Variants in CFH observed in about 807,000 individuals in gnomAD.
CFH encodes the protein H factor 1 (complement).
CFH carries 53 observed loss-of-function variants against 147.3 expected under a neutral mutation model. The ratio of observed to expected loss-of-function variants is 0.36; its 90% CI spans 0.29 to 0.45. CFH has a LOEUF of 0.45. Among genes scored for constraint, CFH ranks in the 20% least tolerant of loss-of-function variants. The pLI, the probability that CFH is intolerant of heterozygous loss-of-function variation, is 1.00. For missense variants in CFH, 1,380 were observed against 1,498.0 expected (o/e 0.92, Z 1.30); for synonymous variants, 536 against 489.4 (o/e 1.10, Z -1.26).
intron 1 of CFH, among the ~76,000 whole-genome samples, chr1:196,666,171 TAAC>T (rs1164779573): frequency 6.6e-6 from 1 of 152,208 alleles, no homozygotes; most frequent in African/African-American, 2.4e-5. Flanking sequence ...CCATGCCCGG[TAAC>T]AACAGAATTG....
chr1:196,707,943 C>G (rs1054306123), intron 9 of CFH, among the ~76,000 whole-genome samples: 1 of 152,096 alleles, frequency 6.6e-6, no homozygotes, highest in Admixed American at 6.6e-5. Context: ...TTATAATTGC[C>G]TAGATAATTA....
chr1:196,657,823 A>G (rs1417117696), intron 1 of CFH, among the ~76,000 whole-genome samples: 1 of 150,978 alleles, frequency 6.6e-6, no homozygotes, highest in Non-Finnish European at 1.5e-5. Flanking sequence ...ATTTTAGAAA[A>G]ATAGAATAAT....
At chr1:196,708,668 T>C (rs1273336160) in intron 9 of CFH, among the ~76,000 whole-genome samples, 1 of 152,098 alleles carries the variant, frequency 6.6e-6, no homozygotes, top group Non-Finnish European at 1.5e-5. Flanking sequence ...GCCCCCTTGG[T>C]ACATGTTTAT....
chr1:196,691,777 T>A (rs1377673728), intron 9 of CFH, among the ~76,000 whole-genome samples: 2 of 151,978 alleles, frequency 1.3e-5, no homozygotes, highest in Non-Finnish European at 2.9e-5. Flanking sequence ...GTCAATCTTT[T>A]TTCATGATGA....
rs145732325 is a variant in CFH, at chr1:196,738,259, A to G, written c.2782+599A>G. Among the ~76,000 whole-genome samples the G allele has an allele frequency of 5.1e-3, 782 of 152,320 alleles. 8 individuals are homozygous for G. The highest frequency in any genetic ancestry group is 0.018 in the African/African-American group (751 of 41,564). ...TTGGTTGGAGATACAGTCAAATCCT[A>G]TCATTCCACCATGGCCTATCCCAAG... On this transcript the variant is annotated intron_variant, in intron 17 of 21. Coordinates refer to ENST00000367429, the MANE Select transcript of CFH (RefSeq NM_000186.4).
intron 19 of CFH, among the ~76,000 whole-genome samples, chr1:196,742,291 G>T (rs868181029): frequency 7.9e-5 from 12 of 152,238 alleles, no homozygotes; most frequent in Admixed American, 2.0e-4. Flanking sequence ...CAGGAGAATC[G>T]CTTGAACCAG....
At chr1:196,677,408 A>G (rs1667491964) in intron 4 of CFH, 68 bp from the exon 5 acceptor site, 14 of 1,374,056 alleles carry the variant, frequency 1.0e-5, no homozygotes, top group Middle Eastern at 1.8e-4. Context: ...ATGATTTTAT[A>G]CATACACATA....
intron 9 of CFH, among the ~76,000 whole-genome samples, chr1:196,710,895 C>G (rs1273243594): frequency 3.3e-5 from 5 of 151,988 alleles, no homozygotes; most frequent in African/African-American, 9.7e-5. Flanking sequence ...TTTATTAATG[C>G]TACCTAATCC....
chr1:196,710,761 T>C (rs1014625837), intron 9 of CFH, among the ~76,000 whole-genome samples: 25 of 141,704 alleles, frequency 1.8e-4, no homozygotes, highest in African/African-American at 6.4e-4. Flanking sequence ...TTTAGTAAGA[T>C]CATACAGTCT....
At position 196,725,348 on chromosome 1, in the gene CFH, C is replaced by G. The variant is rs369313875; in HGVS notation, c.1873+51C>G. The G allele has an allele frequency of 5.8e-6, 9 of 1,556,474 alleles. No homozygotes were observed. In the African/African-American group the frequency reaches 6.8e-5, roughly 12 times the overall value. On this transcript the variant is annotated intron_variant, in intron 12 of 21. Coordinates refer to ENST00000367429, the MANE Select transcript of CFH (RefSeq NM_000186.4). ...AAATAAGAATTAGAACTTTGAATAC[C>G]AACTTTTTTCTTATTAATTTTGTTT...
At chr1:196,745,219 G>A (rs1652959679) in intron 20 of CFH, among the ~76,000 whole-genome samples, 1 of 151,996 alleles carries the variant, frequency 6.6e-6, no homozygotes, top group Non-Finnish European at 1.5e-5. Flanking sequence ...GGTCAAAATG[G>A]GAAGTTTTCA....
intron 4 of CFH, 167 bp from the exon 5 acceptor site, chr1:196,677,309 G>T: frequency 1.6e-6 from 1 of 620,140 alleles, no homozygotes; most frequent in Non-Finnish European, 2.8e-6. Context: ...CCATTTGCTT[G>T]TTTCTTAGAG....
At chr1:196,724,964 T>C (rs34436878) in intron 11 of CFH, among the ~76,000 whole-genome samples, 157 bp from the exon 12 acceptor site, 104 of 152,310 alleles carry the variant, frequency 6.8e-4, no homozygotes, top group African/African-American at 2.5e-3. Context: ...AGACAGCATA[T>C]AAAACATAAT....
At chr1:196,742,754 C>A (rs1652853046) in intron 19 of CFH, among the ~76,000 whole-genome samples, 2 of 152,172 alleles carry the variant, frequency 1.3e-5, no homozygotes, top group Non-Finnish European at 2.9e-5. Flanking sequence ...GAGTGAGAAG[C>A]ATTGCTATAG....
chr1:196,719,496 T>G (rs1399622174), intron 11 of CFH, among the ~76,000 whole-genome samples: 1 of 151,946 alleles, frequency 6.6e-6, no homozygotes, highest in Non-Finnish European at 1.5e-5. Context: ...TTGTAGTTAT[T>G]ATTTTGTGAC....
At chr1:196,738,158 C>T (rs915047222) in intron 17 of CFH, among the ~76,000 whole-genome samples, 3 of 152,102 alleles carry the variant, frequency 2.0e-5, no homozygotes, top group African/African-American at 4.8e-5. Flanking sequence ...ATAACTGCCC[C>T]CATTATTCAA....
At position 196,743,457 on chromosome 1, in the gene CFH, T is replaced by A. The variant is rs1411551157; in HGVS notation, c.3139T>A (p.Ser1047Thr). The change falls in exon 20 of 22, where the codon TCC becomes ACC. Residue 1047 changes from serine (S) to threonine (T), a missense_variant. This residue lies in a region of CFH where 830 missense variants were observed against 821.4 expected (regional missense o/e 1.01). Transcript: ENST00000367429. Reference protein sequence around the residue: ...WTGRPTCRDTSCVNPPTVQNA... With the variant: ...WTGRPTCRDTTCVNPPTVQNA... ...CTTCTTTTTTTTCTATTCAGACACC[T>A]CCTGTGTGAATCCGCCCACAGTACA... is the stretch of plus-strand genomic sequence containing the variant. The A allele has an allele frequency of 1.2e-6, 2 of 1,613,974 alleles. No individual in the cohort carries two copies. The highest frequency in any genetic ancestry group is 1.3e-5 in the African/African-American group (1 of 75,036).
chr1:196,718,592 A>G (rs1489413558), intron 11 of CFH, among the ~76,000 whole-genome samples: 1 of 152,056 alleles, frequency 6.6e-6, no homozygotes, highest in Admixed American at 6.6e-5. Context: ...TTAATTTAAG[A>G]GACTCATAAA....
At chr1:196,700,915 C>T in intron 9 of CFH, 2 of 938,634 alleles carry the variant, frequency 2.1e-6, no homozygotes, top group South Asian at 4.9e-5. Flanking sequence ...TTTCTCAGAG[C>T]AGCTGGCACC....
Sources: gnomAD v4.1 joint callset for allele counts (sites outside exome capture counted in the v4.1 genomes callset) on GRCh38, gnomAD v4.1.1 for gene constraint, gnomAD v4.1.1 regional missense constraint, MANE v1.5 for transcripts, NCBI Gene and HGNC (gene_info 2026-07-23, HGNC 2026-07-21) for gene names.